Variants in SNRNP70 observed in about 807,000 individuals in gnomAD.
The protein encoded by SNRNP70 is small nuclear ribonucleoprotein U1 subunit 70.
Under a neutral mutation model 50.5 loss-of-function variants are expected in SNRNP70, and 8 were observed. The observed-to-expected ratio is 0.16, with a 90% CI of 0.09 to 0.29. SNRNP70 has a LOEUF of 0.29. Among genes scored for constraint, SNRNP70 ranks in the 10% least tolerant of loss-of-function variants. The probability of loss-of-function intolerance (pLI) is 1.00; values close to 1 mark genes in which losing one functional copy is unlikely to be tolerated. For synonymous variants in SNRNP70, 320 were observed against 252.9 expected, an observed-to-expected ratio of 1.27 and a Z score of -2.52; for missense variants, 529 against 663.5, an observed-to-expected ratio of 0.80 and a Z score of 2.23.
At position 49,108,486 on chromosome 19, in the gene SNRNP70, C is replaced by T. The variant is rs773862670; in HGVS notation, c.*43C>T. The T allele has an allele frequency of 1.9e-6, 3 of 1,549,362 alleles. No homozygotes were observed. The highest frequency in any genetic ancestry group is 2.6e-6 in the Non-Finnish European group (3 of 1,147,648). On this transcript the variant is annotated 3_prime_UTR_variant, in exon 10 of 10. Coordinates refer to ENST00000598441, the MANE Select transcript of SNRNP70 (RefSeq NM_003089.6). ...TCTGCTGTGTTTGGACGCGTTCCTG[C>T]CCAGCCCCTTGCTGTCATCCCCTCC...
At chr19:49,087,208 A>G (rs1335458771) in intron 2 of SNRNP70, among the ~76,000 whole-genome samples, 2 of 147,666 alleles carry the variant, frequency 1.4e-5, no homozygotes, top group East Asian at 2.0e-4. Context: ...AGTGGGGTTG[A>G]TAGTACACCT....
intron 4 of SNRNP70, among the ~76,000 whole-genome samples, chr19:49,098,014 C>A (rs1158972346): frequency 6.6e-6 from 1 of 152,222 alleles, no homozygotes. Flanking sequence ...GTGGCCCTGC[C>A]TACAGGAGGG....
chr19:49,088,855 G>A (rs2040414736), intron 2 of SNRNP70, among the ~76,000 whole-genome samples: 2 of 152,150 alleles, frequency 1.3e-5, no homozygotes, highest in Non-Finnish European at 2.9e-5. Flanking sequence ...GGCCCTCAGA[G>A]GGTGTGCAGT....
At chr19:49,094,242 C>T (rs895816280) in intron 4 of SNRNP70, among the ~76,000 whole-genome samples, 6 of 152,046 alleles carry the variant, frequency 3.9e-5, no homozygotes, top group African/African-American at 9.6e-5. Flanking sequence ...TGGTGGTTCA[C>T]GCCTGTAATC....
intron 4 of SNRNP70, among the ~76,000 whole-genome samples, chr19:49,091,744 C>T (rs1456022795): frequency 6.6e-6 from 1 of 152,132 alleles, no homozygotes; most frequent in Non-Finnish European, 1.5e-5. Context: ...AGACATCTGG[C>T]GGTGCACTCT....
chr19:49,100,679 G>A (rs992031615), intron 6 of SNRNP70, among the ~76,000 whole-genome samples: 7 of 151,980 alleles, frequency 4.6e-5, no homozygotes, highest in African/African-American at 1.2e-4. Context: ...GGTGGCGCAC[G>A]CCTGTAATCC....
At chr19:49,103,241 C>T (rs1273750584) in intron 7 of SNRNP70, 1 of 152,584 alleles carries the variant, frequency 6.6e-6, no homozygotes, top group African/African-American at 2.4e-5. Context: ...TAGTCCAGGG[C>T]TTTCCAGCGC....
rs149495103 is a variant in SNRNP70, at chr19:49,098,485, G to A, written c.324G>A (p.Ala108=). The change falls in exon 5 of 10, where the codon GCG becomes GCA. Residue 108 remains alanine, a synonymous_variant. Transcript: ENST00000598441. ...ATGCCTTCAAGACTCTCTTCGTGGC[G>A]AGAGTGGTAAGTCCCCAGCTCCTAG... ...QGDAFKTLFV[A]RVNYDTTESK... is the part of the protein sequence containing the mutation. 30 of 1,613,618 alleles carry A rather than the reference G, an allele frequency of 1.9e-5. No homozygotes were observed. The highest frequency in any genetic ancestry group is 4.0e-5 in the African/African-American group (3 of 74,894).
Position 49,108,119 on chromosome 19 carries a change from G to A in SNRNP70, c.990G>A (p.Gly330=), listed in dbSNP as rs545426434. 6.5e-7 allele frequency: 1 copy of A among 1,546,850 alleles called. No homozygotes were observed. Among genetic ancestry groups the A allele is most frequent in the African/African-American group, 1.4e-5 (1 of 73,472 alleles). ...SEAGDAPPDD[G]PPGELGPDGP... Reference sequence around the variant, plus strand: ...CGGGTGACGCGCCCCCTGATGATGGGCCTCCAGGGGAGCTCGGGCCTGACG... The same window carrying A: ...CGGGTGACGCGCCCCCTGATGATGGACCTCCAGGGGAGCTCGGGCCTGACG... The change falls in exon 10 of 10, where the codon GGG becomes GGA. Residue 330 remains glycine (G), a synonymous_variant. Transcript: ENST00000598441.
Position 49,108,065 on chromosome 19 carries a change from C to T in SNRNP70, c.936C>T (p.Gly312=), listed in dbSNP as rs370958987. 349 of 1,552,012 alleles carry T rather than the reference C, an allele frequency of 2.2e-4. No homozygotes were observed. In the Admixed American group the frequency reaches 2.3e-3, roughly 10 times the overall value. The part of the protein sequence containing the change: ...ERERKEELRG[G]GGDMAEPSEA... Reference sequence around the variant, plus strand: ...AGCGCAAGGAGGAGCTGCGTGGCGGCGGTGGCGACATGGCGGAGCCCTCCG... The same window carrying T: ...AGCGCAAGGAGGAGCTGCGTGGCGGTGGTGGCGACATGGCGGAGCCCTCCG... The change falls in exon 10 of 10, where the codon GGC becomes GGT. Residue 312 remains glycine, a synonymous_variant. Transcript: ENST00000598441.
chr19:49,100,204 G>A (rs1055734078), intron 6 of SNRNP70, among the ~76,000 whole-genome samples: 10 of 152,168 alleles, frequency 6.6e-5, no homozygotes, highest in Non-Finnish European at 1.5e-4. Flanking sequence ...GGCCACCTCT[G>A]TCTCAACAGC....
At chr19:49,102,217 G>A (rs975456560) in intron 7 of SNRNP70, 9 of 1,278,582 alleles carry the variant, frequency 7.0e-6, no homozygotes, top group African/African-American at 3.1e-5. Context: ...ACTCAGCACC[G>A]CACACCAGCC....
intron 7 of SNRNP70, chr19:49,102,044 G>A (rs2122375769): frequency 1.3e-6 from 1 of 761,488 alleles, no homozygotes; most frequent in Non-Finnish European, 2.0e-6. Flanking sequence ...GATGGGTGGG[G>A]GAGGGTGGGC....
At chr19:49,089,371 G>T (rs1358445119) in intron 2 of SNRNP70, among the ~76,000 whole-genome samples, 1 of 151,998 alleles carries the variant, frequency 6.6e-6, no homozygotes, top group Non-Finnish European at 1.5e-5. Context: ...GGGCACAGGG[G>T]GGAAAGCAGG....
At chr19:49,094,429 G>A (rs1169406132) in intron 4 of SNRNP70, among the ~76,000 whole-genome samples, 1 of 152,102 alleles carries the variant, frequency 6.6e-6, no homozygotes, top group Non-Finnish European at 1.5e-5. Flanking sequence ...AACTCAGGAG[G>A]CAGAGGTTGG....
chr19:49,092,416 CTT>C (rs1056544487), intron 4 of SNRNP70, among the ~76,000 whole-genome samples: 1 of 137,760 alleles, frequency 7.3e-6, no homozygotes, highest in African/African-American at 2.7e-5. Context: ...CACCCCCCTC[CTT>C]TTTTTTTTGA....
At chr19:49,099,518 G>A (rs1465458341) in intron 6 of SNRNP70, among the ~76,000 whole-genome samples, 1 of 151,052 alleles carries the variant, frequency 6.6e-6, no homozygotes, top group Non-Finnish European at 1.5e-5. Flanking sequence ...ATAACCTGAG[G>A]TCAGGAGTTC....
chr19:49,100,002 T>G (rs1340785233), intron 6 of SNRNP70, among the ~76,000 whole-genome samples: 1 of 152,238 alleles, frequency 6.6e-6, no homozygotes, highest in African/African-American at 2.4e-5. Flanking sequence ...AGTGACAACC[T>G]TGGCCCCACC....
At chr19:49,106,780 G>A (rs1417792742) in intron 8 of SNRNP70, among the ~76,000 whole-genome samples, 2 of 152,146 alleles carry the variant, frequency 1.3e-5, no homozygotes, top group Non-Finnish European at 2.9e-5. Flanking sequence ...TCTGTGCCTT[G>A]GGGCTGTTCA....
Sources: allele counts gnomAD v4.1 joint callset (sites outside exome capture counted in the v4.1 genomes callset), GRCh38; gene constraint gnomAD v4.1.1; transcripts MANE v1.5; gene names NCBI Gene and HGNC (gene_info 2026-07-23, HGNC 2026-07-21).